MARCHF1: variants seen among roughly 807,000 people sequenced by gnomAD.
The protein encoded by MARCHF1 is membrane associated ring-CH-type finger 1.
A neutral mutation model predicts 54.2 loss-of-function variants in MARCHF1; 40 were observed. The observed-to-expected ratio is 0.74, with a 90% CI of 0.57 to 0.96. The LOEUF (loss-of-function observed/expected upper bound fraction) is 0.96, where lower values mean the gene tolerates loss of function less well. MARCHF1 is among the 40% of genes least tolerant of loss of function. The probability of loss-of-function intolerance (pLI) is 0.00; values close to 1 mark genes in which losing one functional copy is unlikely to be tolerated. For synonymous variants in MARCHF1, 236 were observed against 236.3 expected, an observed-to-expected ratio of 1.00 and a Z score of 0.01; for missense variants, 586 against 656.5, an observed-to-expected ratio of 0.89 and a Z score of 1.17.
Position 163,528,768 on chromosome 4 carries a change from G to T in MARCHF1, c.1618C>A (p.Pro540Thr), listed in dbSNP as rs773805475. The T allele has an allele frequency of 3.1e-6, 5 of 1,611,540 alleles. No homozygotes were observed. Among genetic ancestry groups the T allele is most frequent in the Non-Finnish European group, 4.2e-6 (5 of 1,178,330 alleles). ...TTCCATCAGACTGATACAACTTCAGGGGGGCCACCCTCTGCAGATGGCAGT... is the reference window on the plus strand; with the variant it reads ...TTCCATCAGACTGATACAACTTCAGTGGGGCCACCCTCTGCAGATGGCAGT... Reference protein sequence around the residue: ...NSLPSAEGGPPEVVSV With the variant: ...NSLPSAEGGPTEVVSV Residue 540 changes from proline to threonine, a missense_variant, in exon 10 of 10, where the codon CCT (proline) becomes ACT (threonine). By Grantham distance (38) the Pro-to-Thr change is conservative. Around this residue, in one of 3 missense-constraint regions of MARCHF1, gnomAD observed 106 missense variants for 93.8 expected, o/e 1.13. Coordinates refer to ENST00000514618, the MANE Select transcript of MARCHF1 (RefSeq NM_001394959.1).
intron 8 of MARCHF1, among the ~76,000 whole-genome samples, chr4:163,566,504 G>T (rs140046689): frequency 6.6e-6 from 1 of 152,304 alleles, no homozygotes; most frequent in African/African-American, 2.4e-5. Flanking sequence ...ACAGACTGTG[G>T]TGTTGACTAT....
intron 1 of MARCHF1, among the ~76,000 whole-genome samples, chr4:164,240,449 A>G (rs1324220159): frequency 1.3e-5 from 2 of 152,010 alleles, no homozygotes; most frequent in African/African-American, 2.4e-5. Flanking sequence ...ATCTTGCTTT[A>G]TGTCTGCATC....
chr4:163,546,934 CT>C (rs1408381774), intron 8 of MARCHF1, among the ~76,000 whole-genome samples: 1 of 152,108 alleles, frequency 6.6e-6, no homozygotes, highest in African/African-American at 2.4e-5. Flanking sequence ...TTTTATTTTT[CT>C]TTGCATTCTT....
rs1245214636 is a variant in MARCHF1 at position 163,908,065 on chromosome 4, A to C, written c.-38-53896T>G. Among the ~76,000 whole-genome samples, 3 of 152,194 alleles carry C rather than the reference A, an allele frequency of 2.0e-5. No homozygotes were observed. The East Asian group carries it at 5.8e-4, about 29-fold the overall frequency. On this transcript the variant is annotated intron_variant, in intron 3 of 9. Transcript: ENST00000514618. ...GCCAGTGCCTGAAGTTGGCATGCAT[A>C]TGAGAAGACACGCAGTATGATGGCT...
intron 5 of MARCHF1, among the ~76,000 whole-genome samples, chr4:163,663,523 A>G (rs2111106872): frequency 6.6e-6 from 1 of 151,936 alleles, no homozygotes; most frequent in South Asian, 2.1e-4. Context: ...ATGATTTTGG[A>G]TCATCTCGTC....
chr4:164,147,162 G>A (rs1474731252), intron 1 of MARCHF1, among the ~76,000 whole-genome samples: 1 of 151,748 alleles, frequency 6.6e-6, no homozygotes, highest in South Asian at 2.1e-4. Flanking sequence ...ATCATTAAAA[G>A]TCAGGAAACA....
chr4:164,109,925 A>AAAG (rs1417144195), intron 2 of MARCHF1, among the ~76,000 whole-genome samples: 17 of 149,554 alleles, frequency 1.1e-4, no homozygotes, highest in Non-Finnish European at 2.1e-4. Context: ...AAAAAAAAAA[A>AAAG]AAAAAAAAAA....
intron 1 of MARCHF1, among the ~76,000 whole-genome samples, chr4:164,158,811 T>A (rs1730153364): frequency 6.6e-6 from 1 of 152,096 alleles, no homozygotes; most frequent in Non-Finnish European, 1.5e-5. Flanking sequence ...CCGCCAAAAA[T>A]GTACTTTTTA....
At chr4:164,250,296 C>A (rs774919947) in intron 1 of MARCHF1, among the ~76,000 whole-genome samples, 8 of 151,994 alleles carry the variant, frequency 5.3e-5, no homozygotes, top group Admixed American at 2.0e-4. Context: ...TAGAAGGCAA[C>A]AATTTTTCAG....
In MARCHF1 at chr4:163,691,524, C is replaced by T. The variant is rs903405365; in HGVS notation, c.162+9289G>A. 3.4e-4 allele frequency among the ~76,000 whole-genome samples: 52 copies of T among 152,128 alleles called. 1 individual carries two copies. The highest frequency in any genetic ancestry group is 2.7e-3 in the Admixed American group (41 of 15,266). On this transcript the variant is annotated intron_variant, in intron 5 of 9. Coordinates refer to ENST00000514618, the MANE Select transcript of MARCHF1 (RefSeq NM_001394959.1). ...ATGGCAGCCAGGGACTCAGATTTCT[C>T]AGGCAAGCTACCCAGAGCAGCATAA... is the stretch of plus-strand genomic sequence containing the variant.
chr4:163,916,151 G>A (rs145579716), intron 3 of MARCHF1, among the ~76,000 whole-genome samples: 186 of 152,212 alleles, frequency 1.2e-3, no homozygotes, highest in African/African-American at 4.4e-3. Flanking sequence ...TGCGTCTCTC[G>A]AAAAATGTAT....
chr4:163,659,846 T>C (rs558965398), intron 5 of MARCHF1, among the ~76,000 whole-genome samples: 48 of 152,042 alleles, frequency 3.2e-4, no homozygotes, highest in Non-Finnish European at 6.8e-4. Flanking sequence ...AAAAGCACAA[T>C]GAGATACCAT....
chr4:163,911,790 CAGA>C (rs1278471988), intron 3 of MARCHF1, among the ~76,000 whole-genome samples: 3 of 152,056 alleles, frequency 2.0e-5, no homozygotes, highest in African/African-American at 4.8e-5. Context: ...CCTTTGAAAA[CAGA>C]AGAAGAATAT....
At chr4:163,599,453 A>C (rs1181818561) in intron 7 of MARCHF1, among the ~76,000 whole-genome samples, 1 of 151,988 alleles carries the variant, frequency 6.6e-6, no homozygotes, top group African/African-American at 2.4e-5. Context: ...ACACAAGCAA[A>C]CACGTATGTG....
intron 4 of MARCHF1, among the ~76,000 whole-genome samples, chr4:163,727,987 C>T (rs1745714684): frequency 6.6e-6 from 1 of 152,110 alleles, no homozygotes; most frequent in Admixed American, 6.6e-5. Flanking sequence ...TATCTTTGTT[C>T]CATTTATTCC....
intron 7 of MARCHF1, among the ~76,000 whole-genome samples, chr4:163,599,297 T>TTG (rs1553995658): frequency 6.8e-6 from 1 of 146,702 alleles, no homozygotes; most frequent in Non-Finnish European, 1.5e-5. Context: ...CTCAAAAAAA[T>TTG]TATATATATA....
intron 8 of MARCHF1, among the ~76,000 whole-genome samples, chr4:163,561,420 A>T (rs1252166027): frequency 2.0e-5 from 3 of 152,204 alleles, no homozygotes; most frequent in Non-Finnish European, 2.9e-5. Flanking sequence ...TTTCATTAAG[A>T]TAAATTCTTA....
chr4:163,972,561 T>A (rs1752567216), intron 3 of MARCHF1, among the ~76,000 whole-genome samples: 1 of 152,186 alleles, frequency 6.6e-6, no homozygotes. Context: ...TTTGTTGTTT[T>A]TTTGAGATGG....
intron 2 of MARCHF1, among the ~76,000 whole-genome samples, chr4:164,000,485 A>G (rs997982226): frequency 3.6e-4 from 55 of 151,680 alleles, no homozygotes; most frequent in African/African-American, 1.3e-3. Context: ...GAGAAAAGAG[A>G]AAGATTTAGA....
Sources: gnomAD v4.1 joint callset for allele counts (sites outside exome capture counted in the v4.1 genomes callset) on GRCh38, gnomAD v4.1.1 for gene constraint, gnomAD v4.1.1 regional missense constraint, MANE v1.5 for transcripts, NCBI Gene and HGNC (gene_info 2026-07-23, HGNC 2026-07-21) for gene names.